PLXNC1: variants seen among roughly 807,000 people sequenced by gnomAD.
PLXNC1 encodes the protein plexin C1.
In PLXNC1, 75 loss-of-function variants were observed where a neutral mutation model predicts 178.2. The ratio of observed to expected loss-of-function variants is 0.42; its 90% CI spans 0.35 to 0.51. The LOEUF (loss-of-function observed/expected upper bound fraction) is 0.51, where lower values mean the gene tolerates loss of function less well. PLXNC1 is among the 20% of genes least tolerant of loss of function. PLXNC1 has a pLI of 0.02. For missense variants in PLXNC1, 1,503 were observed against 1,984.4 expected (o/e 0.76, Z 4.61); for synonymous variants, 790 against 779.9 (o/e 1.01, Z -0.22).
At position 94,303,738 on chromosome 12, in the gene PLXNC1, T is replaced by G; in HGVS notation, c.4387-18T>G. 7.2e-7 allele frequency: 1 copy of G among 1,380,696 alleles called. No homozygotes were observed. The highest frequency in any genetic ancestry group is 9.5e-7 in the Non-Finnish European group (1 of 1,056,244). 85.5% of individuals were successfully genotyped at this position (1,380,696 alleles called of 1,614,324 possible). On this transcript the variant is annotated intron_variant, in intron 28 of 30. Transcript: ENST00000258526. ...ACTCTTTTGGTGATGGTTGCTTTTTTTTTTTTTTTTTCCCCAGGAAGCACC... is the reference window on the plus strand; with the variant it reads ...ACTCTTTTGGTGATGGTTGCTTTTTGTTTTTTTTTTTCCCCAGGAAGCACC...
rs1969044682 is a variant in PLXNC1 at position 94,306,608 on chromosome 12, G to T, written c.*1323G>T. ...TTGTGGCAGGCACCTTTTACCCTTG[G>T]TGCTCCAAATCCCCCATCTAGGAAA... On this transcript the variant is annotated 3_prime_UTR_variant, in exon 31 of 31. Transcript: ENST00000258526. 1 of 152,040 alleles carries T rather than the reference G, an allele frequency of 6.6e-6. No homozygotes were observed. The highest frequency in any genetic ancestry group is 2.4e-5 in the African/African-American group (1 of 41,374). 9.4% of individuals were successfully genotyped at this position (152,040 alleles called of 1,614,324 possible). A position where few individuals can be genotyped will look rare whatever the true frequency, so the allele number is the denominator to read the frequency against.
chr12:94,244,103 G>T (rs928318152), intron 12 of PLXNC1, 78 bp downstream of exon 12: 5 of 766,450 alleles, frequency 6.5e-6, no homozygotes, highest in Non-Finnish European at 8.5e-6. Context: ...TATGTTGGGG[G>T]TATTTTTTGT....
intron 1 of PLXNC1, chr12:94,168,188 G>A (rs1592726430): frequency 6.6e-6 from 1 of 152,148 alleles, no homozygotes; most frequent in Admixed American, 6.5e-5. Context: ...AAAAACCTTA[G>A]TACAGTTGGG....
chr12:94,282,084 T>C lies in PLXNC1; in HGVS notation c.3776-214T>C, dbSNP rs1966479422. On this transcript the variant is annotated intron_variant, in intron 22 of 30. Coordinates refer to ENST00000258526, the MANE Select transcript of PLXNC1 (RefSeq NM_005761.3). ...TTCAGTGGCTTTACTTCCAGGCTTA[T>C]CAGGGAAGAAGTGGTTTGAAACATC... 1.0e-5 allele frequency: 5 copies of C among 488,422 alleles called. No individual in the cohort carries two copies. In the Admixed American group the frequency reaches 1.8e-4, roughly 18 times the overall value. 30.3% of individuals were successfully genotyped at this position (488,422 alleles called of 1,614,324 possible). A position where few individuals can be genotyped will look rare whatever the true frequency, so the allele number is the denominator to read the frequency against.
In PLXNC1 at chr12:94,303,915, A is replaced by C. The variant is rs757652046; in HGVS notation, c.4527+19A>C. 1.9e-6 allele frequency: 3 copies of C among 1,608,466 alleles called. No individual in the cohort carries two copies. Among genetic ancestry groups the C allele is most frequent in the Admixed American group, 3.4e-5 (2 of 58,958 alleles). ...ATCTAAGGTATCATTAGAAAGCAGAAATAAGCTTATATTTGGTTACTTTAC... is the reference window on the plus strand; with the variant it reads ...ATCTAAGGTATCATTAGAAAGCAGACATAAGCTTATATTTGGTTACTTTAC... On this transcript the variant is annotated intron_variant, in intron 29 of 30. Coordinates refer to ENST00000258526, the MANE Select transcript of PLXNC1 (RefSeq NM_005761.3).
rs1040854496 is a variant in PLXNC1, at chr12:94,149,202, G to C, written c.231G>C (p.Ser77=). ...QLDYSLEHSL[S]RLYRDQAGNC... ...ACTACAGCCTGGAGCACAGCCTCTCGCGCCTGTACCGGGACCAAGCGGGCA... is the reference window on the plus strand; with the variant it reads ...ACTACAGCCTGGAGCACAGCCTCTCCCGCCTGTACCGGGACCAAGCGGGCA... The change falls in exon 1 of 31, where the codon TCG becomes TCC. Residue 77 remains serine (S), a synonymous_variant. Transcript: ENST00000258526. 2 of 1,586,946 alleles carry C rather than the reference G, an allele frequency of 1.3e-6. No individual in the cohort carries two copies. The highest frequency in any genetic ancestry group is 1.7e-6 in the Non-Finnish European group (2 of 1,171,036).
At chr12:94,251,993 A>G (rs1031630054) in intron 15 of PLXNC1, among the ~76,000 whole-genome samples, 6 of 152,154 alleles carry the variant, frequency 3.9e-5, no homozygotes, top group African/African-American at 1.4e-4. Flanking sequence ...ACTCCATCTC[A>G]AAAACAAACA....
intron 21 of PLXNC1, among the ~76,000 whole-genome samples, chr12:94,267,492 A>C (rs1343015495): frequency 6.6e-6 from 1 of 152,170 alleles, no homozygotes; most frequent in Non-Finnish European, 1.5e-5. Flanking sequence ...CCCTGGGGAA[A>C]AGGGTAATGG....
chr12:94,267,181 G>A (rs542177372), intron 21 of PLXNC1, among the ~76,000 whole-genome samples: 67 of 152,232 alleles, frequency 4.4e-4, no homozygotes, highest in African/African-American at 1.4e-3. Context: ...GATTATAGTC[G>A]GGAATCCTCC....
Position 94,149,190 on chromosome 12 carries a change from G to C in PLXNC1, c.219G>C (p.Glu73Asp), listed in dbSNP as rs1960845671. 1 of 1,588,946 alleles carries C rather than the reference G, an allele frequency of 6.3e-7. No individual in the cohort carries two copies. Residue 73 changes from glutamate to aspartate, a missense_variant, in exon 1 of 31, where the codon GAG becomes GAC. Physicochemically the swap from Glu to Asp is conservative, Grantham distance 45. This residue lies in a region of PLXNC1 where 176 missense variants were observed against 180.7 expected (regional missense o/e 0.97). Coordinates refer to ENST00000258526, the MANE Select transcript of PLXNC1 (RefSeq NM_005761.3). ...SCLDQLDYSL[E>D]HSLSRLYRDQ... Reference sequence around the variant, plus strand: ...TGGACCAGCTGGACTACAGCCTGGAGCACAGCCTCTCGCGCCTGTACCGGG... The same window carrying C: ...TGGACCAGCTGGACTACAGCCTGGACCACAGCCTCTCGCGCCTGTACCGGG...
intron 17 of PLXNC1, chr12:94,256,415 A>C (rs914560757): frequency 3.9e-5 from 6 of 152,208 alleles, no homozygotes; most frequent in Non-Finnish European, 5.9e-5. Context: ...TAAATCAAGA[A>C]GGCTGTAAAT....
At position 94,149,317 on chromosome 12, in the gene PLXNC1, G is replaced by A. The variant is rs1165924436; in HGVS notation, c.346G>A (p.Ala116Thr). The change falls in exon 1 of 31, where the codon GCG (alanine) becomes ACG (threonine). Residue 116 changes from alanine (A) to threonine (T), a missense_variant. Transcript: ENST00000258526. ...GCTGCTGCTGCCCTACCGCGAGGGG[G>A]CGGCCGGCCTCGGGGGGCTGCTGCT... ...SKLLLPYREG[A>T]AGLGGLLLTG... 4.1e-6 allele frequency: 6 copies of A among 1,453,736 alleles called. No homozygotes were observed. The African/African-American group carries it at 7.4e-5, about 18-fold the overall frequency. The allele number at this position is 1,453,736 out of a possible 1,614,324, so 90.1% of individuals were successfully genotyped here.
intron 5 of PLXNC1, among the ~76,000 whole-genome samples, chr12:94,214,104 T>C (rs1385974794): frequency 1.5e-5 from 2 of 135,462 alleles, no homozygotes; most frequent in African/African-American, 2.6e-5. Flanking sequence ...TTTTTTTTTT[T>C]GACAGGGTCT....
rs1180321444 is a variant in PLXNC1, at chr12:94,260,035, C to T, written c.3251+301C>T. On this transcript the variant is annotated intron_variant, in intron 19 of 30. Transcript: ENST00000258526. This position sits in a 1 kb window ranked among gnomAD's most constrained non-coding sequence, Gnocchi z 4.4. Reference sequence around the variant, plus strand: ...TTGGGAGTTTATGCAGCCTTCTCTCCATTTTAGATCATACCACCCCAACAC... The same window carrying T: ...TTGGGAGTTTATGCAGCCTTCTCTCTATTTTAGATCATACCACCCCAACAC... 3.3e-5 allele frequency among the ~76,000 whole-genome samples: 5 copies of T among 152,182 alleles called. No individual in the cohort carries two copies. Among genetic ancestry groups the T allele is most frequent in the African/African-American group, 1.2e-4 (5 of 41,428 alleles).
chr12:94,286,498 T>TA (rs1445443752), intron 23 of PLXNC1, among the ~76,000 whole-genome samples: 1 of 151,134 alleles, frequency 6.6e-6, no homozygotes, highest in Non-Finnish European at 1.5e-5. Flanking sequence ...ACCCTTTTGT[T>TA]AAAGAAAAAA....
intron 13 of PLXNC1, 32 bp from the exon 14 acceptor site, chr12:94,248,195 T>G: frequency 6.2e-7 from 1 of 1,600,308 alleles, no homozygotes. Flanking sequence ...ACATGTGCTC[T>G]GATTTCTCCA....
chr12:94,166,062 G>T (rs767627712), intron 1 of PLXNC1, among the ~76,000 whole-genome samples: 5 of 152,116 alleles, frequency 3.3e-5, no homozygotes, highest in Non-Finnish European at 4.4e-5. Flanking sequence ...AGGGAATGGA[G>T]CTGCCATTTG....
intron 1 of PLXNC1, among the ~76,000 whole-genome samples, chr12:94,155,964 G>T (rs776240250): frequency 2.6e-5 from 4 of 152,164 alleles, no homozygotes; most frequent in African/African-American, 4.8e-5. Context: ...GGTAATCTAG[G>T]AATAAAAGCA....
chr12:94,268,035 G>T (rs777846482), intron 21 of PLXNC1, among the ~76,000 whole-genome samples: 1 of 152,180 alleles, frequency 6.6e-6, no homozygotes, highest in Non-Finnish European at 1.5e-5. Context: ...TCAAGGAAAG[G>T]AAAGTCGGAA....
Sources: allele counts gnomAD v4.1 joint callset (sites outside exome capture counted in the v4.1 genomes callset), GRCh38; gene constraint gnomAD v4.1.1; regional missense constraint gnomAD v4.1.1; non-coding constraint Gnocchi (gnomAD v3.1); transcripts MANE v1.5; gene names NCBI Gene and HGNC (gene_info 2026-07-23, HGNC 2026-07-21).